Variants in CHST3 observed in about 807,000 individuals in gnomAD.
The protein encoded by CHST3 is carbohydrate sulfotransferase 3, also known as C6ST-1.
Under a neutral mutation model 35.4 loss-of-function variants are expected in CHST3, and 20 were observed. That is an observed-to-expected ratio of 0.57 (90% CI 0.40 to 0.82). The LOEUF (loss-of-function observed/expected upper bound fraction) is 0.82. Ranked by LOEUF, CHST3 falls within the 40% of genes least tolerant of loss-of-function variation. CHST3 has a pLI of 0.00. For synonymous variants in CHST3, 334 were observed against 295.9 expected (o/e 1.13, Z -1.32); for missense variants, 693 against 670.1 (o/e 1.03, Z -0.38).
rs3062567 is a variant in CHST3, at chr10:72,004,169, A to AAATAAT, written c.-107-1554_-107-1549dup. On this transcript the variant is annotated intron_variant, in intron 1 of 2. Coordinates refer to ENST00000373115, the MANE Select transcript of CHST3 (RefSeq NM_004273.5). ...GACGACAGAGCGAGACTCCATCTCA[A>AAATAAT]AATAATAATAATAATAATGATACAT... Among the ~76,000 whole-genome samples, 1,186 of 152,134 alleles carry AAATAAT rather than the reference A, an allele frequency of 7.8e-3. 19 individuals carry two copies. Among genetic ancestry groups the AAATAAT allele is most frequent in the African/African-American group, 0.027 (1,133 of 41,496 alleles).
intron 1 of CHST3, among the ~76,000 whole-genome samples, chr10:71,969,517 A>G (rs1479053225): frequency 6.6e-6 from 1 of 152,356 alleles, no homozygotes; most frequent in East Asian, 1.9e-4. Flanking sequence ...CAAAGGACGC[A>G]AAGAGCATTG....
intron 1 of CHST3, among the ~76,000 whole-genome samples, chr10:71,969,588 C>T (rs969304014): frequency 6.6e-6 from 1 of 152,220 alleles, no homozygotes; most frequent in Non-Finnish European, 1.5e-5. Flanking sequence ...TGGGTGAGTT[C>T]TTAGAGCCTT....
chr10:71,996,793 G>A (rs1004261171), intron 1 of CHST3, among the ~76,000 whole-genome samples: 9 of 152,278 alleles, frequency 5.9e-5, no homozygotes, highest in Admixed American at 3.9e-4. Flanking sequence ...GTATCGTGGA[G>A]AACAAGACTA....
At chr10:71,988,477 T>C (rs114232282) in intron 1 of CHST3, among the ~76,000 whole-genome samples, 110 of 152,242 alleles carry the variant, frequency 7.2e-4, no homozygotes, top group African/African-American at 2.5e-3. Flanking sequence ...CCAGATCAGG[T>C]CATTTAAAAG....
rs1840051874 is a variant in CHST3, at chr10:72,007,420, G to A, written c.389G>A (p.Gly130Glu). ...EEEPPRPAVA[G>E]PRRHVLLMAT... The stretch of plus-strand genomic sequence containing the variant: ...GAGCCGCCCAGACCGGCCGTGGCGG[G>A]GCCCCGGCGCCACGTGCTGCTCATG... Residue 130 changes from glycine (G) to glutamate (E), a missense_variant, in exon 3 of 3, where the codon GGG becomes GAG. Coordinates refer to ENST00000373115, the MANE Select transcript of CHST3 (RefSeq NM_004273.5). 2 of 1,603,576 alleles carry A rather than the reference G, an allele frequency of 1.2e-6. No individual in the cohort carries two copies. The highest frequency in any genetic ancestry group is 1.7e-5 in the Admixed American group (1 of 59,518).
chr10:71,980,087 C>T (rs1335449746), intron 1 of CHST3, among the ~76,000 whole-genome samples: 1 of 152,188 alleles, frequency 6.6e-6, no homozygotes, highest in Non-Finnish European at 1.5e-5. Context: ...TCAAAACCTC[C>T]CCATTCAGAC....
intron 1 of CHST3, among the ~76,000 whole-genome samples, chr10:71,998,270 C>T (rs1248736958): frequency 6.6e-6 from 1 of 152,280 alleles, no homozygotes; most frequent in Admixed American, 6.5e-5. Context: ...AGTTACCCAG[C>T]CTGCCGGCTC....
intron 1 of CHST3, among the ~76,000 whole-genome samples, chr10:71,996,875 G>A (rs1000033704): frequency 6.6e-6 from 1 of 152,088 alleles, no homozygotes; most frequent in African/African-American, 2.4e-5. Flanking sequence ...CACAGGCATT[G>A]CTGGGGGTAT....
At chr10:71,972,692 AT>A (rs1003775887) in intron 1 of CHST3, among the ~76,000 whole-genome samples, 1 of 151,968 alleles carries the variant, frequency 6.6e-6, no homozygotes, top group African/African-American at 2.4e-5. Context: ...TTCAGCAAAT[AT>A]TTCTTCCCCA....
At chr10:71,983,286 C>G (rs899426917) in intron 1 of CHST3, among the ~76,000 whole-genome samples, 1 of 152,186 alleles carries the variant, frequency 6.6e-6, no homozygotes, top group African/African-American at 2.4e-5. Context: ...CCATTGAGAA[C>G]CTCAGGATTG....
chr10:71,981,992 A>G (rs531950137), intron 1 of CHST3, among the ~76,000 whole-genome samples: 1 of 152,316 alleles, frequency 6.6e-6, no homozygotes, highest in East Asian at 1.9e-4. Context: ...ATGCTGTGCT[A>G]AGCATTTAAC....
At position 71,970,683 on chromosome 10, in the gene CHST3, C is replaced by T. The variant is rs143279247; in HGVS notation, c.-108+5989C>T. The stretch of plus-strand genomic sequence containing the variant: ...GTCAGTCCCAAGCCTGGACCCTCCC[C>T]AGCAGGCAGACGGTGACGTCTTGGT... On this transcript the variant is annotated intron_variant, in intron 1 of 2. Transcript: ENST00000373115. 3.3e-3 allele frequency among the ~76,000 whole-genome samples: 507 copies of T among 152,330 alleles called. 1 individual carries two copies. Among genetic ancestry groups the T allele is most frequent in the African/African-American group, 0.01 (436 of 41,556 alleles).
intron 2 of CHST3, 120 bp from the exon 3 acceptor site, chr10:72,007,051 CT>C (rs898628546): frequency 5.0e-5 from 55 of 1,103,102 alleles, no homozygotes; most frequent in Admixed American, 3.8e-4. Context: ...GCCTCAACGT[CT>C]GCTTTTGGGG....
intron 1 of CHST3, among the ~76,000 whole-genome samples, chr10:71,965,055 G>A (rs1457014719): frequency 1.3e-5 from 2 of 152,194 alleles, no homozygotes; most frequent in South Asian, 2.1e-4. Context: ...ACACCCCTCC[G>A]TCACATCCAC....
chr10:72,000,225 G>GTTCA (rs963133451), intron 1 of CHST3, among the ~76,000 whole-genome samples: 68 of 152,178 alleles, frequency 4.5e-4, no homozygotes, highest in African/African-American at 1.3e-3. Flanking sequence ...ACATTGATTC[G>GTTCA]TTCATTCATT....
chr10:71,993,468 A>T (rs1460351877), intron 1 of CHST3, among the ~76,000 whole-genome samples: 1 of 152,040 alleles, frequency 6.6e-6, no homozygotes, highest in African/African-American at 2.4e-5. Flanking sequence ...TCCACTTCTT[A>T]GCATCCACTT....
chr10:71,967,402 A>G (rs139527733), intron 1 of CHST3, among the ~76,000 whole-genome samples: 1 of 152,198 alleles, frequency 6.6e-6, no homozygotes, highest in East Asian at 1.9e-4. Context: ...TTTAGCTCCC[A>G]CTTCTAAGTG....
In CHST3 at chr10:72,007,239, A is replaced by C. The variant is rs766157121; in HGVS notation, c.208A>C (p.Ile70Leu). ...ADANSTDPAL[I>L]LAENASLLSL... ...TGCCAACAGCACCGACCCAGCCCTG[A>C]TCTTAGCTGAGAACGCATCTCTCTT... Residue 70 changes from isoleucine (I) to leucine (L), a missense_variant, in exon 3 of 3, where the codon ATC (isoleucine) becomes CTC (leucine). Transcript: ENST00000373115. 10 of 1,614,200 alleles carry C rather than the reference A, an allele frequency of 6.2e-6. No homozygotes were observed. Among genetic ancestry groups the C allele is most frequent in the Non-Finnish European group, 8.5e-6 (10 of 1,180,044 alleles).
At chr10:71,981,208 G>A (rs1242293733) in intron 1 of CHST3, among the ~76,000 whole-genome samples, 1 of 152,244 alleles carries the variant, frequency 6.6e-6, no homozygotes, top group African/African-American at 2.4e-5. Flanking sequence ...GCTTTAACCG[G>A]AAATTTTCCT....
Sources: gnomAD v4.1 joint callset for allele counts (sites outside exome capture counted in the v4.1 genomes callset) on GRCh38, gnomAD v4.1.1 for gene constraint, MANE v1.5 for transcripts, NCBI Gene and HGNC (gene_info 2026-07-23, HGNC 2026-07-21) for gene names.